Variants in CYBA observed in about 807,000 individuals in gnomAD.
The protein encoded by CYBA is cytochrome b-245 light chain.
In CYBA, 21 loss-of-function variants were observed where a neutral mutation model predicts 20.8. That is an observed-to-expected ratio of 1.01 (90% CI 0.72 to 1.46). The LOEUF is 1.46. Among genes scored for constraint, CYBA ranks in the 40% most tolerant of loss-of-function variants. The probability of loss-of-function intolerance (pLI) is 0.00; values close to 1 mark genes in which losing one functional copy is unlikely to be tolerated. For synonymous variants in CYBA, 164 were observed against 127.5 expected, an observed-to-expected ratio of 1.29 and a Z score of -1.93; for missense variants, 344 against 287.0, an observed-to-expected ratio of 1.20 and a Z score of -1.43.
At chr16:88,648,024 C>G in intron 2 of CYBA, 21 bp downstream of exon 2, 1 of 1,608,720 alleles carries the variant, frequency 6.2e-7, no homozygotes, top group Non-Finnish European at 8.5e-7. Context: ...CCGCCCACCC[C>G]AGCCTCAGGT....
In CYBA at chr16:88,646,104, G is replaced by A. The variant is rs1907267306; in HGVS notation, c.369+12C>T. ...GGGGTGGCCGGGGCCGACCTCAGAG[G>A]GCGCCACTCACCAGTAGGTAGATGC... On this transcript the variant is annotated intron_variant, in intron 5 of 5. Coordinates refer to ENST00000261623, the MANE Select transcript of CYBA (RefSeq NM_000101.4). 1.3e-6 allele frequency: 2 copies of A among 1,547,638 alleles called. No individual in the cohort carries two copies. The highest frequency in any genetic ancestry group is 8.7e-7 in the Non-Finnish European group (1 of 1,147,118).
chr16:88,648,622 T>G (rs1907380230), intron 1 of CYBA, among the ~76,000 whole-genome samples: 2 of 149,690 alleles, frequency 1.3e-5, no homozygotes, highest in Admixed American at 6.7e-5. Context: ...CCCTTACTGT[T>G]TTTTTTTTTT....
At chr16:88,644,228 CTG>C (rs1041536090) in intron 5 of CYBA, among the ~76,000 whole-genome samples, 1 of 152,206 alleles carries the variant, frequency 6.6e-6, no homozygotes, top group African/African-American at 2.4e-5. Context: ...GAAAGAGAAA[CTG>C]GACATGTGTG....
chr16:88,648,568 T>C (rs1310314677), intron 1 of CYBA, among the ~76,000 whole-genome samples: 1 of 151,940 alleles, frequency 6.6e-6, no homozygotes, highest in African/African-American at 2.4e-5. Context: ...TCGTCTGATA[T>C]GGCTATTTCT....
Position 88,643,598 on chromosome 16 carries a change from C to T in CYBA, c.370-27G>A, listed in dbSNP as rs746133568. The T allele has an allele frequency of 3.9e-5, 59 of 1,525,228 alleles. No homozygotes were observed. Among genetic ancestry groups the T allele is most frequent in the Admixed American group, 3.3e-4 (17 of 50,814 alleles). 94.5% of individuals were successfully genotyped at this position (1,525,228 alleles called of 1,614,324 possible). On this transcript the variant is annotated intron_variant, in intron 5 of 5. Transcript: ENST00000261623. This position sits in a 1 kb window ranked among gnomAD's most constrained non-coding sequence, Gnocchi z 4.3. ...TGCGGGGCACTGAAGGGTTGAGCCGCGCCCCAGCGCCCGCCCTCCCTCCCT... is the reference window on the plus strand; with the variant it reads ...TGCGGGGCACTGAAGGGTTGAGCCGTGCCCCAGCGCCCGCCCTCCCTCCCT...
At position 88,643,610 on chromosome 16, in the gene CYBA, C is replaced by CCCCCCA; in HGVS notation, c.370-40_370-39insTGGGGG. 1.3e-6 allele frequency: 2 copies of CCCCCCA among 1,498,638 alleles called. No homozygotes were observed. The highest frequency in any genetic ancestry group is 2.6e-5 in the East Asian group (1 of 38,596). The allele number at this position is 1,498,638 out of a possible 1,614,324, so 92.8% of individuals were successfully genotyped here. A position where few individuals can be genotyped will look rare whatever the true frequency, so the allele number is the denominator to read the frequency against. On this transcript the variant is annotated intron_variant, in intron 5 of 5. Coordinates refer to ENST00000261623, the MANE Select transcript of CYBA (RefSeq NM_000101.4). This position sits in a 1 kb window ranked among gnomAD's most constrained non-coding sequence, Gnocchi z 4.3. ...AAGGGTTGAGCCGCGCCCCAGCGCC[C>CCCCCCA]GCCCTCCCTCCCTCCCTCCCTCCCC...
intron 5 of CYBA, chr16:88,645,403 G>T (rs1301981832): frequency 2.8e-6 from 2 of 702,426 alleles, no homozygotes; most frequent in Non-Finnish European, 5.2e-6. Flanking sequence ...GAGGGCAGTT[G>T]CCTCTGCGGG....
intron 5 of CYBA, chr16:88,644,871 A>T (rs182425786): frequency 2.2e-5 from 10 of 456,888 alleles, no homozygotes; most frequent in African/African-American, 1.9e-4. Flanking sequence ...CAATAGAAAA[A>T]TGGGCAAAGG....
At chr16:88,648,258 C>G in intron 1 of CYBA, 144 bp from the exon 2 acceptor site, 1 of 752,384 alleles carries the variant, frequency 1.3e-6, no homozygotes, top group Non-Finnish European at 2.2e-6. Context: ...GTCGGGGACA[C>G]CCCCAGGAGG....
chr16:88,650,687 G>A (rs930603243), intron 1 of CYBA: 1 of 611,816 alleles, frequency 1.6e-6, no homozygotes, highest in Non-Finnish European at 3.0e-6. Context: ...CTCCTTCGCG[G>A]AGTCGGGGGA....
chr16:88,646,698 G>A (rs1404078823), intron 4 of CYBA, 57 bp downstream of exon 4: 3 of 1,483,530 alleles, frequency 2.0e-6, no homozygotes, highest in African/African-American at 2.8e-5. Flanking sequence ...GGGACAGTGG[G>A]GAGGGTCGGC....
At chr16:88,647,004 G>A (rs774693378) in intron 3 of CYBA, 97 bp downstream of exon 3, 55 of 1,289,586 alleles carry the variant, frequency 4.3e-5, no homozygotes, top group African/African-American at 4.2e-4. Context: ...GGTTGGTTCC[G>A]GAGCCTCCAA....
Position 88,648,046 on chromosome 16 carries a change from T to G in CYBA, c.127A>C (p.Ile43Leu). ...FTQWYFGAYS[I>L]VAGVFVCLLE... ...CCCCAGCCTCAGGTGGAAGGATACATGGAGTAGGCACCAAAGTACCACTGG... is the reference window on the plus strand; with the variant it reads ...CCCCAGCCTCAGGTGGAAGGATACAGGGAGTAGGCACCAAAGTACCACTGG... The change falls in exon 2 of 6, where the codon ATT (isoleucine) becomes CTT (leucine). Residue 43 changes from isoleucine (I) to leucine (L), a missense_variant and splice_region_variant. Coordinates refer to ENST00000261623, the MANE Select transcript of CYBA (RefSeq NM_000101.4). 1 of 1,612,360 alleles carries G rather than the reference T, an allele frequency of 6.2e-7. No individual in the cohort carries two copies. The highest frequency in any genetic ancestry group is 8.5e-7 in the Non-Finnish European group (1 of 1,179,558).
chr16:88,646,179 G>C lies in CYBA; in HGVS notation c.306C>G (p.Gly102=). 1 of 1,557,026 alleles carries C rather than the reference G, an allele frequency of 6.4e-7. No homozygotes were observed. The highest frequency in any genetic ancestry group is 8.7e-7 in the Non-Finnish European group (1 of 1,153,342). ...TCCCAAGGATGGTGGCCAGCAGGAA[G>C]CCGGCGGGCACCGAGAGCCTGGGGG... ...VLHLLLSVPA[G]FLLATILGTA... Residue 102 remains glycine (G), a synonymous_variant, in exon 5 of 6, where the codon GGC becomes GGG. Transcript: ENST00000261623.
intron 5 of CYBA, chr16:88,644,850 T>G: frequency 8.1e-6 from 3 of 369,252 alleles, no homozygotes; most frequent in South Asian, 4.0e-5. Flanking sequence ...AAAAGAAAAA[T>G]ACAAAAACCA....
intron 5 of CYBA, 186 bp downstream of exon 5, chr16:88,645,930 C>CT: frequency 3.3e-6 from 2 of 611,788 alleles, no homozygotes; most frequent in Non-Finnish European, 5.9e-6. Context: ...ACACTAGACA[C>CT]GCCAAAAATG....
Position 88,646,106 on chromosome 16 carries a change from C to T in CYBA, c.369+10G>A, listed in dbSNP as rs1045781041. 8.4e-6 allele frequency: 13 copies of T among 1,547,810 alleles called. No homozygotes were observed. The highest frequency in any genetic ancestry group is 5.5e-5 in the African/African-American group (4 of 73,080). ...GGTGGCCGGGGCCGACCTCAGAGGGCGCCACTCACCAGTAGGTAGATGCCG... is the reference window on the plus strand; with the variant it reads ...GGTGGCCGGGGCCGACCTCAGAGGGTGCCACTCACCAGTAGGTAGATGCCG... On this transcript the variant is annotated intron_variant, in intron 5 of 5. Coordinates refer to ENST00000261623, the MANE Select transcript of CYBA (RefSeq NM_000101.4).
intron 1 of CYBA, chr16:88,650,214 G>A: frequency 2.7e-6 from 1 of 369,558 alleles, no homozygotes; most frequent in South Asian, 1.9e-5. Flanking sequence ...TGCTGCAGTG[G>A]TGCCTCTGCC....
In CYBA at chr16:88,643,931, G is replaced by A. The variant is rs1335484358; in HGVS notation, c.370-360C>T. Among the ~76,000 whole-genome samples, 1 of 152,192 alleles carries A rather than the reference G, an allele frequency of 6.6e-6. No homozygotes were observed. The highest frequency in any genetic ancestry group is 1.9e-4 in the East Asian group (1 of 5,184). On this transcript the variant is annotated intron_variant, in intron 5 of 5. Transcript: ENST00000261623. This position sits in a 1 kb window ranked among gnomAD's most constrained non-coding sequence, Gnocchi z 4.3. ...AGGCAGGCCCGAGGTCCAGCAGGAG[G>A]GGTGGCCCAGGAGAGTAGCAGGCCC...
Sources: gnomAD v4.1 joint callset for allele counts (sites outside exome capture counted in the v4.1 genomes callset) on GRCh38, gnomAD v4.1.1 for gene constraint, Gnocchi (gnomAD v3.1) non-coding constraint, MANE v1.5 for transcripts, NCBI Gene and HGNC (gene_info 2026-07-23, HGNC 2026-07-21) for gene names.